Variants in SUPT3H observed in about 807,000 individuals in gnomAD.
The protein encoded by SUPT3H is transcription initiation protein SPT3 homolog.
In SUPT3H, 44 loss-of-function variants were observed where a neutral mutation model predicts 44.3. That is an observed-to-expected ratio of 0.99 (90% CI 0.78 to 1.28). The LOEUF is 1.28. Ranked by LOEUF, SUPT3H falls within the 50% of genes most tolerant of loss-of-function variation. The probability of loss-of-function intolerance (pLI) is 0.00; values close to 1 mark genes in which losing one functional copy is unlikely to be tolerated. For missense variants in SUPT3H, 380 were observed against 387.1 expected (o/e 0.98, Z 0.15); for synonymous variants, 124 against 125.6 (o/e 0.99, Z 0.09).
intron 6 of SUPT3H, among the ~76,000 whole-genome samples, chr6:44,971,337 A>G (rs960090893): frequency 2.0e-5 from 3 of 152,110 alleles, no homozygotes; most frequent in Admixed American, 1.3e-4. Flanking sequence ...ATGCTGCTAT[A>G]AAGGACTGCC....
At chr6:45,372,283 G>A (rs900914490) in intron 1 of SUPT3H, among the ~76,000 whole-genome samples, 1 of 152,130 alleles carries the variant, frequency 6.6e-6, no homozygotes. Context: ...AATAACATAC[G>A]TAAAGCCCTT....
chr6:45,157,590 C>T (rs1808045625), intron 2 of SUPT3H, among the ~76,000 whole-genome samples: 1 of 151,486 alleles, frequency 6.6e-6, no homozygotes, highest in Non-Finnish European at 1.5e-5. Flanking sequence ...ACTGTGTCAC[C>T]CAGGCTGGAG....
chr6:45,327,547 T>A (rs897066044), intron 2 of SUPT3H, among the ~76,000 whole-genome samples: 1 of 151,920 alleles, frequency 6.6e-6, no homozygotes, highest in Non-Finnish European at 1.5e-5. Context: ...AAACTAGGCA[T>A]GAGATAATGG....
rs142190456 is a variant in SUPT3H at position 44,969,288 on chromosome 6, C to T, written c.505-7460G>A. Among the ~76,000 whole-genome samples, 11 of 152,196 alleles carry T rather than the reference C, an allele frequency of 7.2e-5. No homozygotes were observed. The East Asian group carries it at 2.1e-3, about 29-fold the overall frequency. ...GTTTGAACATACACACACATATGCACGTGTATGTCTGCAAATACACGGAAA... is the reference window on the plus strand; with the variant it reads ...GTTTGAACATACACACACATATGCATGTGTATGTCTGCAAATACACGGAAA... On this transcript the variant is annotated intron_variant, in intron 6 of 10. Transcript: ENST00000371459.
rs572936893 is a variant in SUPT3H at position 44,879,815 on chromosome 6, A to C, written c.913-49958T>G. 5.9e-5 allele frequency among the ~76,000 whole-genome samples: 9 copies of C among 152,336 alleles called. No homozygotes were observed. The East Asian group carries it at 1.7e-3, about 29-fold the overall frequency. On this transcript the variant is annotated intron_variant, in intron 10 of 10. Coordinates refer to ENST00000371459, the MANE Select transcript of SUPT3H (RefSeq NM_003599.4). ...CTGGAGTGGACCTCCAGCATACTCCAGCAGACCTGCAGCAGAGGGGCCTGA... is the reference window on the plus strand; with the variant it reads ...CTGGAGTGGACCTCCAGCATACTCCCGCAGACCTGCAGCAGAGGGGCCTGA...
intron 10 of SUPT3H, among the ~76,000 whole-genome samples, chr6:44,880,641 T>C (rs537558331): frequency 5.1e-4 from 77 of 152,110 alleles, no homozygotes; most frequent in Non-Finnish European, 9.9e-4. Context: ...TTCACCAAGG[T>C]TGAAATGAAG....
chr6:45,190,033 C>T (rs775075225), intron 2 of SUPT3H, among the ~76,000 whole-genome samples: 1 of 152,084 alleles, frequency 6.6e-6, no homozygotes, highest in African/African-American at 2.4e-5. Flanking sequence ...ATGTTCTGCA[C>T]AACAATATTC....
intron 2 of SUPT3H, among the ~76,000 whole-genome samples, chr6:45,293,043 A>C (rs1010500438): frequency 6.6e-6 from 1 of 152,140 alleles, no homozygotes; most frequent in Non-Finnish European, 1.5e-5. Context: ...CATTCTATTC[A>C]ACAAGGTGTG....
intron 2 of SUPT3H, among the ~76,000 whole-genome samples, chr6:45,195,625 C>G (rs1459199096): frequency 6.6e-6 from 1 of 152,000 alleles, no homozygotes; most frequent in Admixed American, 6.6e-5. Context: ...GTGATATGAT[C>G]GATTTGTTTT....
intron 10 of SUPT3H, among the ~76,000 whole-genome samples, chr6:44,870,473 C>A (rs542448474): frequency 5.3e-5 from 8 of 151,966 alleles, no homozygotes; most frequent in African/African-American, 1.9e-4. Context: ...GTGGTGCACA[C>A]CTGTAGTCCC....
intron 5 of SUPT3H, among the ~76,000 whole-genome samples, chr6:45,012,837 C>T (rs958794032): frequency 6.6e-6 from 1 of 152,128 alleles, no homozygotes; most frequent in African/African-American, 2.4e-5. Context: ...TATTTCATGA[C>T]TTGGCTGAAC....
At chr6:44,993,502 T>G (rs1308697610) in intron 6 of SUPT3H, among the ~76,000 whole-genome samples, 2 of 152,070 alleles carry the variant, frequency 1.3e-5, no homozygotes, top group Non-Finnish European at 2.9e-5. Flanking sequence ...AAATACACAA[T>G]TCTTTACCAT....
chr6:45,237,373 G>A (rs1425232973), intron 2 of SUPT3H, among the ~76,000 whole-genome samples: 1 of 152,102 alleles, frequency 6.6e-6, no homozygotes, highest in African/African-American at 2.4e-5. Context: ...AGGACCCGAT[G>A]GACAACCTGG....
chr6:45,222,024 T>C (rs1007931144), intron 2 of SUPT3H, among the ~76,000 whole-genome samples: 1 of 152,046 alleles, frequency 6.6e-6, no homozygotes, highest in Non-Finnish European at 1.5e-5. Context: ...TAATTCAATA[T>C]AGGAAATATA....
chr6:45,348,619 G>T (rs1384169718), intron 2 of SUPT3H, among the ~76,000 whole-genome samples: 1 of 146,280 alleles, frequency 6.8e-6, no homozygotes, highest in Non-Finnish European at 1.5e-5. Flanking sequence ...AGGTTGCAGT[G>T]AGCCAAGATC....
rs1215566079 is a variant in SUPT3H at position 45,365,265 on chromosome 6, T to C, written c.37A>G (p.Thr13Ala). The change falls in exon 2 of 11, where the codon ACT becomes GCT. Residue 13 changes from threonine (T) to alanine (A), a missense_variant. Physicochemically the swap from Thr to Ala is moderately conservative, Grantham distance 58. Transcript: ENST00000371459. ...CCTGTACTCCTTCCACTACTTGAAG[T>C]TGCAGTAGACATTGGACTAGCTGCC... ...NTAASPMSTA[T>A]SSSGRSTGKS... The C allele has an allele frequency of 3.1e-6, 5 of 1,612,666 alleles. No homozygotes were observed. The highest frequency in any genetic ancestry group is 3.4e-6 in the Non-Finnish European group (4 of 1,179,242).
chr6:45,017,750 C>CT (rs1272211544), intron 4 of SUPT3H, among the ~76,000 whole-genome samples: 1 of 144,660 alleles, frequency 6.9e-6, no homozygotes, highest in African/African-American at 2.6e-5. Context: ...TTACTGTAGC[C>CT]TTGTAGTATA....
chr6:45,335,852 A>G (rs1788439506), intron 2 of SUPT3H, among the ~76,000 whole-genome samples: 2 of 151,376 alleles, frequency 1.3e-5, no homozygotes, highest in South Asian at 4.1e-4. Context: ...TGAAATCTGT[A>G]AAGCATTTCG....
intron 2 of SUPT3H, among the ~76,000 whole-genome samples, chr6:45,227,047 A>C (rs186412349): frequency 0.018 from 2,625 of 149,704 alleles, 48 homozygotes; most frequent in South Asian, 0.085. Context: ...TTAGTAGAGA[A>C]AAGGTTTTGC....
Sources: gnomAD v4.1 joint callset for allele counts (sites outside exome capture counted in the v4.1 genomes callset) on GRCh38, gnomAD v4.1.1 for gene constraint, MANE v1.5 for transcripts, NCBI Gene and HGNC (gene_info 2026-07-23, HGNC 2026-07-21) for gene names.